SAMD5: variants seen among roughly 807,000 people sequenced by gnomAD.
The protein encoded by SAMD5 is sterile alpha motif domain-containing protein 5.
In SAMD5, 13 loss-of-function variants were observed where a neutral mutation model predicts 11.3. The ratio of observed to expected loss-of-function variants is 1.15; its 90% CI spans 0.75 to 1.83. The LOEUF (loss-of-function observed/expected upper bound fraction) is 1.83. Among genes scored for constraint, SAMD5 ranks in the 40% most tolerant of loss-of-function variants. The pLI is 0.00. For missense variants in SAMD5, 255 were observed against 239.1 expected, an observed-to-expected ratio of 1.07 and a Z score of -0.44; for synonymous variants, 129 against 111.3, an observed-to-expected ratio of 1.16 and a Z score of -1.00.
intron 1 of SAMD5, among the ~76,000 whole-genome samples, chr6:147,730,648 G>C (rs928249361): frequency 6.6e-6 from 1 of 152,102 alleles, no homozygotes; most frequent in Non-Finnish European, 1.5e-5. Context: ...GCCATGAGAT[G>C]AGATTACCTA....
chr6:147,870,482 G>GTGTGTGTGTGTGTGTGTGTGTGTA, the SAMD5 span, among the ~76,000 whole-genome samples: 6 of 135,258 alleles, frequency 4.4e-5, no homozygotes, highest in Admixed American at 1.5e-4. Flanking sequence ...GTGTGTGTGT[G>GTGTGTGTGTGTGTGTGTGTGTGTA]TATATATATA....
the SAMD5 span, chr6:147,947,576 C>T: frequency 6.6e-6 from 1 of 152,120 alleles, no homozygotes; most frequent in Admixed American, 6.5e-5. Context: ...ATGTGAATTG[C>T]CTGTGAGAAC....
chr6:147,824,126 G>A, the SAMD5 span, among the ~76,000 whole-genome samples: 1 of 152,154 alleles, frequency 6.6e-6, no homozygotes, highest in Non-Finnish European at 1.5e-5. Context: ...CAACACTTGG[G>A]TACTTGGAAG....
chr6:147,932,118 T>G, the SAMD5 span, among the ~76,000 whole-genome samples: 1 of 152,202 alleles, frequency 6.6e-6, no homozygotes, highest in African/African-American at 2.4e-5. Flanking sequence ...TGTTTCCTTG[T>G]TTTATCATTA....
At chr6:147,519,818 T>G (rs1212960269) in intron 1 of SAMD5, among the ~76,000 whole-genome samples, 1 of 152,246 alleles carries the variant, frequency 6.6e-6, no homozygotes, top group East Asian at 1.9e-4. Flanking sequence ...AAACTTAACA[T>G]GCAGCAATTA....
intron 1 of SAMD5, among the ~76,000 whole-genome samples, chr6:147,598,698 G>T (rs1045242054): frequency 2.0e-5 from 3 of 152,122 alleles, no homozygotes; most frequent in Non-Finnish European, 4.4e-5. Context: ...GCAGAGTTAA[G>T]AACATCCTCT....
At chr6:147,551,936 C>T (rs1316603025) in intron 1 of SAMD5, among the ~76,000 whole-genome samples, 1 of 151,108 alleles carries the variant, frequency 6.6e-6, no homozygotes, top group Non-Finnish European at 1.5e-5. Context: ...ACAGAGGAAG[C>T]TCCTATCAGC....
In SAMD5 at chr6:147,693,148, G is replaced by A. The variant is rs9485214; in HGVS notation, c.163-44169G>A. ...TTCAATTCTGCCCCTATGAGAGCAC[G>A]AGCACCTGTCTGGACTACACTGGCA... On this transcript the variant is annotated intron_variant, in intron 1 of 1. Coordinates refer to the SAMD5 transcript ENST00000566741. 3.9e-3 allele frequency among the ~76,000 whole-genome samples: 592 copies of A among 152,342 alleles called. 6 individuals carry two copies. Among genetic ancestry groups the A allele is most frequent in the African/African-American group, 0.013 (550 of 41,578 alleles).
intron 1 of SAMD5, among the ~76,000 whole-genome samples, chr6:147,519,923 T>C (rs1788225782): frequency 6.6e-6 from 1 of 152,316 alleles, no homozygotes; most frequent in South Asian, 2.1e-4. Flanking sequence ...TAAAAAGTTT[T>C]GTTTTTAAGG....
chr6:147,616,324 C>A (rs57967764), intron 1 of SAMD5, among the ~76,000 whole-genome samples: 2 of 136,036 alleles, frequency 1.5e-5, no homozygotes, highest in African/African-American at 6.2e-5. Context: ...TTCATATATA[C>A]TTCATATATA....
At chr6:147,725,746 C>T (rs1027138311) in intron 1 of SAMD5, among the ~76,000 whole-genome samples, 1 of 152,026 alleles carries the variant, frequency 6.6e-6, no homozygotes, top group Non-Finnish European at 1.5e-5. Context: ...TGTCTCATTG[C>T]CTGCTTCCTG....
At chr6:147,550,900 T>TA (rs1788760758) in intron 1 of SAMD5, among the ~76,000 whole-genome samples, 4 of 150,398 alleles carry the variant, frequency 2.7e-5, no homozygotes, top group Non-Finnish European at 3.0e-5. Context: ...CCTCTTATAT[T>TA]TATATATATA....
At position 147,638,567 on chromosome 6, in the gene SAMD5, C is replaced by T. The variant is rs116800884; in HGVS notation, c.163-98750C>T. Among the ~76,000 whole-genome samples, 1,264 of 152,264 alleles carry T rather than the reference C, an allele frequency of 8.3e-3. 14 individuals carry two copies. Among genetic ancestry groups the T allele is most frequent in the African/African-American group, 0.029 (1,205 of 41,550 alleles). ...CCTGAGCCTGGTTTGAAATTCAGCT[C>T]TGCCCAGCAGGACTTGCCCTCAGTT... On this transcript the variant is annotated intron_variant, in intron 1 of 1. Transcript: ENST00000566741.
At chr6:147,710,831 G>A (rs2128458476) in intron 1 of SAMD5, among the ~76,000 whole-genome samples, 1 of 152,130 alleles carries the variant, frequency 6.6e-6, no homozygotes, top group Non-Finnish European at 1.5e-5. Context: ...CCTGGATAAG[G>A]GGGACTACTA....
At chr6:147,840,111 G>C in the SAMD5 span, among the ~76,000 whole-genome samples, 1 of 152,160 alleles carries the variant, frequency 6.6e-6, no homozygotes, top group East Asian at 1.9e-4. Context: ...GTCTGTATAC[G>C]TAAATTCCCT....
chr6:147,953,595 T>A, the SAMD5 span: 4 of 152,250 alleles, frequency 2.6e-5, no homozygotes, highest in Admixed American at 6.5e-5. Context: ...TTCTGCCTAT[T>A]TTTGATTATG....
the SAMD5 span, among the ~76,000 whole-genome samples, chr6:147,850,510 G>A: frequency 2.6e-5 from 4 of 152,114 alleles, no homozygotes; most frequent in Non-Finnish European, 4.4e-5. Context: ...TACATTTTCA[G>A]CAAGTAGGCA....
the SAMD5 span, among the ~76,000 whole-genome samples, chr6:147,836,618 T>C: frequency 1.3e-5 from 2 of 152,178 alleles, no homozygotes; most frequent in African/African-American, 4.8e-5. Context: ...AAATAATGGT[T>C]GTATGGGCAC....
chr6:147,813,171 G>A, the SAMD5 span, among the ~76,000 whole-genome samples: 2 of 152,184 alleles, frequency 1.3e-5, no homozygotes, highest in African/African-American at 4.8e-5. Flanking sequence ...GACACAGGTC[G>A]ATAGGAAAGG....
Sources: allele counts gnomAD v4.1 joint callset (sites outside exome capture counted in the v4.1 genomes callset), GRCh38; gene constraint gnomAD v4.1.1; transcripts MANE v1.5; gene names NCBI Gene and HGNC (gene_info 2026-07-23, HGNC 2026-07-21).